MTMR12: variants seen among roughly 807,000 people sequenced by gnomAD.
MTMR12 encodes myotubularin-related protein 12.
MTMR12 carries 33 observed loss-of-function variants against 96.7 expected under a neutral mutation model. The ratio of observed to expected loss-of-function variants is 0.34; its 90% CI spans 0.26 to 0.46. The LOEUF (loss-of-function observed/expected upper bound fraction) is 0.46, where lower values mean the gene tolerates loss of function less well. Among genes scored for constraint, MTMR12 ranks in the 20% least tolerant of loss-of-function variants. The pLI is 1.00. For synonymous variants in MTMR12, 298 were observed against 327.2 expected (o/e 0.91, Z 0.96); for missense variants, 721 against 896.1 (o/e 0.80, Z 2.49).
intron 1 of MTMR12, among the ~76,000 whole-genome samples, chr5:32,307,022 A>C (rs1035541315): frequency 1.3e-5 from 2 of 152,170 alleles, no homozygotes; most frequent in Non-Finnish European, 2.9e-5. Context: ...ATAGCAACTG[A>C]CATGGAAAGA....
intron 1 of MTMR12, among the ~76,000 whole-genome samples, chr5:32,279,911 T>A (rs538579492): frequency 9.9e-5 from 15 of 152,236 alleles, no homozygotes; most frequent in African/African-American, 2.7e-4. Flanking sequence ...TAATCCTTGC[T>A]GCCCCCTACT....
chr5:32,253,321 T>C lies in MTMR12; in HGVS notation c.789+2372A>G, dbSNP rs190434983. On this transcript the variant is annotated intron_variant, in intron 8 of 15. Coordinates refer to ENST00000382142, the MANE Select transcript of MTMR12 (RefSeq NM_001040446.3). ...GTGGTACTGTGTACATTTAAAAGGA[T>C]TGGGTATTCTAGGTTAAGGTACATA... 1.3e-3 allele frequency among the ~76,000 whole-genome samples: 195 copies of C among 152,254 alleles called. No individual in the cohort carries two copies. In the Middle Eastern group the frequency reaches 0.017, roughly 13 times the overall value.
chr5:32,263,088 C>T (rs370480973), intron 7 of MTMR12, 25 bp downstream of exon 7: 6 of 1,613,096 alleles, frequency 3.7e-6, no homozygotes, highest in African/African-American at 1.3e-5. Context: ...AATTGTACAG[C>T]ATGTGCCCAG....
chr5:32,250,084 A>C (rs1254217514), intron 8 of MTMR12, among the ~76,000 whole-genome samples: 1 of 152,246 alleles, frequency 6.6e-6, no homozygotes, highest in African/African-American at 2.4e-5. Context: ...GCGTAGACCG[A>C]GAGTTAGAGA....
At chr5:32,263,382 C>T in intron 6 of MTMR12, 140 bp from the exon 7 acceptor site, 1 of 999,376 alleles carries the variant, frequency 1.0e-6, no homozygotes, top group Non-Finnish European at 1.4e-6. Context: ...ATTGCTTAAT[C>T]CTAACCTTGT....
At chr5:32,303,564 G>A (rs1202844384) in intron 1 of MTMR12, among the ~76,000 whole-genome samples, 1 of 152,124 alleles carries the variant, frequency 6.6e-6, no homozygotes, top group Admixed American at 6.6e-5. Context: ...CTTAGAAGAC[G>A]TTTACATAGC....
At chr5:32,304,313 C>T (rs886591332) in intron 1 of MTMR12, among the ~76,000 whole-genome samples, 2 of 151,538 alleles carry the variant, frequency 1.3e-5, no homozygotes, top group Admixed American at 1.3e-4. Context: ...GAGTGAGACT[C>T]CGTCTCCAAA....
intron 1 of MTMR12, chr5:32,296,478 C>A: frequency 2.7e-6 from 1 of 369,662 alleles, no homozygotes; most frequent in Non-Finnish European, 5.6e-6. Context: ...GACCTTGTCT[C>A]CAAAAAAAGA....
intron 14 of MTMR12, 87 bp downstream of exon 14, chr5:32,234,875 C>T (rs1748148555): frequency 3.8e-6 from 5 of 1,315,264 alleles, no homozygotes; most frequent in East Asian, 2.3e-5. Flanking sequence ...CAAGTGAGCA[C>T]CATTTTATTT....
intron 6 of MTMR12, among the ~76,000 whole-genome samples, chr5:32,264,859 C>G (rs766400325): frequency 1.1e-4 from 17 of 151,866 alleles, no homozygotes; most frequent in Non-Finnish European, 2.4e-4. Flanking sequence ...ACAGAAAGGT[C>G]AAGTAACTTG....
rs145260557 is a variant in MTMR12 at position 32,233,780 on chromosome 5, C to T, written c.1667G>A (p.Arg556His). The change falls in exon 15 of 16, where the codon CGC (arginine) becomes CAC (histidine). Residue 556 changes from arginine to histidine, a missense_variant. By Grantham distance (29) the Arg-to-His change is conservative (BLOSUM62 0). Transcript: ENST00000382142. The surrounding 1 kb of genome is among the most constrained non-coding windows in gnomAD (Gnocchi z 5.0). Reference protein sequence around the residue: ...KLDKGQRKGMRFKHQRQLSLP... With the variant: ...KLDKGQRKGMHFKHQRQLSLP... ...GACATGTGGACATCTTACTTTGAAG[C>T]GCATTCCTTTCCGTTGGCCTTTGTC... 1.3e-4 allele frequency: 216 copies of T among 1,614,072 alleles called. No homozygotes were observed. Among genetic ancestry groups the T allele is most frequent in the East Asian group, 1.3e-4 (6 of 44,890 alleles).
chr5:32,289,924 G>A (rs1346970321), intron 1 of MTMR12, among the ~76,000 whole-genome samples: 2 of 152,230 alleles, frequency 1.3e-5, no homozygotes, highest in Admixed American at 6.5e-5. Flanking sequence ...CTTGAAAGAC[G>A]CAGGGGTAGT....
intron 1 of MTMR12, among the ~76,000 whole-genome samples, chr5:32,308,106 G>A (rs535015146): frequency 7.9e-5 from 12 of 152,184 alleles, no homozygotes; most frequent in South Asian, 2.1e-4. Context: ...GGCGGGTCAC[G>A]AGGTCAGGAG....
At position 32,229,915 on chromosome 5, in the gene MTMR12, A is replaced by C; in HGVS notation, c.2107T>G (p.Ser703Ala). ...AGCAGAGCGAAAGGAAACAAAGACG[A>C]GAGGCGGGCAGAGTTCCTCAGCAGG... is the stretch of plus-strand genomic sequence containing the variant. ...PCLLRNSARL[S>A]SLFPFALLQR... Residue 703 changes from serine to alanine, a missense_variant, in exon 16 of 16, where the codon TCG becomes GCG. By Grantham distance (99) the Ser-to-Ala change is moderately conservative. Coordinates refer to ENST00000382142, the MANE Select transcript of MTMR12 (RefSeq NM_001040446.3). 6.2e-7 allele frequency: 1 copy of C among 1,612,892 alleles called. No homozygotes were observed. Among genetic ancestry groups the C allele is most frequent in the East Asian group, 2.2e-5 (1 of 44,858 alleles).
In MTMR12 at chr5:32,305,630, G is replaced by A. The variant is rs541894345; in HGVS notation, c.81+7128C>T. 1.7e-4 allele frequency among the ~76,000 whole-genome samples: 26 copies of A among 152,034 alleles called. No individual in the cohort carries two copies. In the South Asian group the frequency reaches 4.0e-3, roughly 23 times the overall value. The stretch of plus-strand genomic sequence containing the variant: ...AATATCTGGGATACCGCGGCCGGGC[G>A]CGATGGCTCACGCCTGTAATCCCAG... On this transcript the variant is annotated intron_variant, in intron 1 of 15. Transcript: ENST00000382142.
intron 7 of MTMR12, 91 bp downstream of exon 7, chr5:32,263,022 G>A: frequency 6.8e-7 from 1 of 1,463,194 alleles, no homozygotes; most frequent in South Asian, 1.3e-5. Context: ...TGACTGTGGT[G>A]ATGACTGCAC....
At chr5:32,253,080 G>A (rs898509106) in intron 8 of MTMR12, among the ~76,000 whole-genome samples, 3 of 152,154 alleles carry the variant, frequency 2.0e-5, no homozygotes, top group African/African-American at 4.8e-5. Flanking sequence ...CCCCACCCAC[G>A]AGGGGACATT....
intron 1 of MTMR12, among the ~76,000 whole-genome samples, chr5:32,293,700 A>G (rs1750823755): frequency 6.6e-6 from 1 of 152,040 alleles, no homozygotes; most frequent in African/African-American, 2.4e-5. Context: ...TGTTCCCTGG[A>G]TGAGCTCTCT....
chr5:32,231,766 CCTCT>C (rs1207491868), intron 15 of MTMR12, among the ~76,000 whole-genome samples: 1 of 152,184 alleles, frequency 6.6e-6, no homozygotes, highest in Non-Finnish European at 1.5e-5. Flanking sequence ...GATTCAGTGG[CCTCT>C]CTTTTTCTCC....
Sources: gnomAD v4.1 joint callset for allele counts (sites outside exome capture counted in the v4.1 genomes callset) on GRCh38, gnomAD v4.1.1 for gene constraint, Gnocchi (gnomAD v3.1) non-coding constraint, MANE v1.5 for transcripts, NCBI Gene and HGNC (gene_info 2026-07-23, HGNC 2026-07-21) for gene names.